Variants in CCDC60 observed in about 807,000 individuals in gnomAD.
The protein encoded by CCDC60 is coiled-coil domain containing 60.
A neutral mutation model predicts 63.5 loss-of-function variants in CCDC60; 54 were observed. The observed-to-expected ratio is 0.85, with a 90% CI of 0.68 to 1.07. The LOEUF is 1.07. Ranked by LOEUF, CCDC60 falls within the 50% of genes least tolerant of loss-of-function variation. CCDC60 has a pLI of 0.00. For missense variants in CCDC60, 651 were observed against 684.3 expected (o/e 0.95, Z 0.54); for synonymous variants, 206 against 238.8 (o/e 0.86, Z 1.27).
intron 1 of CCDC60, among the ~76,000 whole-genome samples, chr12:119,394,150 T>C (rs1045656978): frequency 6.6e-6 from 1 of 152,232 alleles, no homozygotes; most frequent in Non-Finnish European, 1.5e-5. Context: ...TTGTTACAAC[T>C]GTACCGCAAA....
At position 119,499,891 on chromosome 12, in the gene CCDC60, G is replaced by T. The variant is rs1473044276; in HGVS notation, c.558-187G>T. On this transcript the variant is annotated intron_variant, in intron 5 of 13. Transcript: ENST00000327554. ...GTAAGCAAAAGTCTCTCCAAACCTCGATTTCACTCAAAAGAGCCAGCTATG... is the reference window on the plus strand; with the variant it reads ...GTAAGCAAAAGTCTCTCCAAACCTCTATTTCACTCAAAAGAGCCAGCTATG... 2.0e-5 allele frequency among the ~76,000 whole-genome samples: 3 copies of T among 152,078 alleles called. 1 individual carries two copies. The highest frequency in any genetic ancestry group is 7.2e-5 in the African/African-American group (3 of 41,484).
At chr12:119,506,183 GCTTT>G (rs1381496861) in intron 7 of CCDC60, among the ~76,000 whole-genome samples, 2 of 152,004 alleles carry the variant, frequency 1.3e-5, no homozygotes, top group East Asian at 1.9e-4. Flanking sequence ...CCACAAACTT[GCTTT>G]CTGTCTCTAC....
chr12:119,537,235 C>G (rs1230164937), intron 13 of CCDC60, among the ~76,000 whole-genome samples: 1 of 152,184 alleles, frequency 6.6e-6, no homozygotes, highest in Admixed American at 6.5e-5. Flanking sequence ...TCACGTAGTT[C>G]TTGTGCCTTG....
intron 1 of CCDC60, among the ~76,000 whole-genome samples, chr12:119,336,043 A>G (rs1031211659): frequency 1.4e-5 from 2 of 137,948 alleles, no homozygotes; most frequent in African/African-American, 5.5e-5. Context: ...GAATTGAACA[A>G]TGAGATCACA....
Position 119,507,614 on chromosome 12 carries a change from A to ATATATTT in CCDC60, c.883+2312_883+2313insATATTTT, listed in dbSNP as rs1368858215. Among the ~76,000 whole-genome samples, 76 of 50,494 alleles carry ATATATTT rather than the reference A, an allele frequency of 1.5e-3. 6 individuals carry two copies. The highest frequency in any genetic ancestry group is 2.2e-3 in the Non-Finnish European group (65 of 30,144). 33.1% of individuals were successfully genotyped at this position (50,494 alleles called of 152,430 possible). A position where few individuals can be genotyped will look rare whatever the true frequency, so the allele number is the denominator to read the frequency against. On this transcript the variant is annotated intron_variant, in intron 7 of 13. Transcript: ENST00000327554. ...TACATATATATATATATATATATAT[A>ATATATTT]TTTTTTTTTTTTTTTTCTAGAAACA...
intron 5 of CCDC60, among the ~76,000 whole-genome samples, chr12:119,497,742 T>C (rs543270681): frequency 6.6e-5 from 7 of 105,368 alleles, no homozygotes; most frequent in African/African-American, 2.9e-4. Flanking sequence ...AAAGAAATGC[T>C]CCAAAGTGAA....
chr12:119,477,742 A>G (rs1951206524), intron 3 of CCDC60, among the ~76,000 whole-genome samples: 1 of 152,218 alleles, frequency 6.6e-6, no homozygotes, highest in South Asian at 2.1e-4. Context: ...TAACTGAAGA[A>G]GCACACACCT....
In CCDC60 at chr12:119,500,130, A is replaced by G; in HGVS notation, c.610A>G (p.Met204Val). The change falls in exon 6 of 14, where the codon ATG becomes GTG. Residue 204 changes from methionine (M) to valine (V), a missense_variant. Physicochemically the swap from Met to Val is conservative, Grantham distance 21 (BLOSUM62 1). Coordinates refer to ENST00000327554, the MANE Select transcript of CCDC60 (RefSeq NM_178499.5). ...TIKKINKDKSMGQKWEHFITA... is the reference protein window; with the variant it reads ...TIKKINKDKSVGQKWEHFITA... Reference sequence around the variant, plus strand: ...TAAAAAAATCAATAAGGACAAGTCCATGGGACAGAAATGGGAGCATTTCAT... The same window carrying G: ...TAAAAAAATCAATAAGGACAAGTCCGTGGGACAGAAATGGGAGCATTTCAT... 6.2e-7 allele frequency: 1 copy of G among 1,611,970 alleles called. No homozygotes were observed. The highest frequency in any genetic ancestry group is 1.1e-5 in the South Asian group (1 of 90,534).
chr12:119,475,236 T>C (rs1393866041), intron 3 of CCDC60, among the ~76,000 whole-genome samples: 1 of 152,224 alleles, frequency 6.6e-6, no homozygotes, highest in Admixed American at 6.5e-5. Flanking sequence ...TCAGGAGCTA[T>C]GCTCAGATTG....
chr12:119,455,066 T>C (rs1950699646), intron 2 of CCDC60, among the ~76,000 whole-genome samples: 1 of 152,256 alleles, frequency 6.6e-6, no homozygotes, highest in Non-Finnish European at 1.5e-5. Context: ...TTGTACCTCA[T>C]TGGCCTAGCC....
At position 119,480,944 on chromosome 12, in the gene CCDC60, CCAT is replaced by C. The variant is rs112221741; in HGVS notation, c.449+1749_449+1751del. Among the ~76,000 whole-genome samples the C allele has an allele frequency of 3.6e-3, 527 of 147,052 alleles. 6 individuals are homozygous for C. Among genetic ancestry groups the C allele is most frequent in the African/African-American group, 0.012 (495 of 39,736 alleles). On this transcript the variant is annotated intron_variant, in intron 4 of 13. Coordinates refer to ENST00000327554, the MANE Select transcript of CCDC60 (RefSeq NM_178499.5). ...ATCATCATCACCATCATCATCACCA[CCAT>C]CATCACCATCATCACCATCACCATC...
chr12:119,418,094 A>G (rs1956735621), intron 1 of CCDC60, among the ~76,000 whole-genome samples: 2 of 148,934 alleles, frequency 1.3e-5, no homozygotes, highest in Non-Finnish European at 3.0e-5. Flanking sequence ...TTAAATTCAC[A>G]ATGTTATCTT....
At chr12:119,337,417 C>T (rs1342068002) in intron 1 of CCDC60, among the ~76,000 whole-genome samples, 1 of 152,180 alleles carries the variant, frequency 6.6e-6, no homozygotes, top group Non-Finnish European at 1.5e-5. Flanking sequence ...GGGCAAGCTG[C>T]AGAGCTGCTC....
chr12:119,531,177 G>A, intron 13 of CCDC60, 114 bp downstream of exon 13: 1 of 877,334 alleles, frequency 1.1e-6, no homozygotes, highest in Middle Eastern at 3.6e-4. Context: ...CCTTTATGGA[G>A]CTCATATTCT....
chr12:119,495,184 C>A (rs914598486), intron 5 of CCDC60, among the ~76,000 whole-genome samples: 1 of 152,114 alleles, frequency 6.6e-6, no homozygotes, highest in African/African-American at 2.4e-5. Context: ...GATTCGAACC[C>A]AGGTAACCTT....
intron 1 of CCDC60, among the ~76,000 whole-genome samples, chr12:119,414,139 C>T (rs559767868): frequency 3.9e-5 from 6 of 152,212 alleles, no homozygotes; most frequent in African/African-American, 1.4e-4. Flanking sequence ...CTCCCTCAGC[C>T]TCCCAAGTAG....
At chr12:119,500,502 CCCTCCCTCCCTCGCTT>C (rs1437088694) in intron 6 of CCDC60, among the ~76,000 whole-genome samples, 1 of 151,230 alleles carries the variant, frequency 6.6e-6, no homozygotes, top group Non-Finnish European at 1.5e-5. Context: ...TTCTCCTTCT[CCCTCCCTCCCTCGCTT>C]CCTCCCTCAC....
chr12:119,414,928 C>T (rs867035094), intron 1 of CCDC60, among the ~76,000 whole-genome samples: 2 of 152,220 alleles, frequency 1.3e-5, no homozygotes, highest in African/African-American at 4.8e-5. Flanking sequence ...CCTTGAACAA[C>T]TTCATCTATT....
chr12:119,529,912 T>C (rs936761531), intron 12 of CCDC60, among the ~76,000 whole-genome samples: 1 of 152,178 alleles, frequency 6.6e-6, no homozygotes, highest in African/African-American at 2.4e-5. Context: ...ATGGGGGAAG[T>C]AATTGCCCTC....
Sources: gnomAD v4.1 joint callset for allele counts (sites outside exome capture counted in the v4.1 genomes callset) on GRCh38, gnomAD v4.1.1 for gene constraint, MANE v1.5 for transcripts, NCBI Gene and HGNC (gene_info 2026-07-23, HGNC 2026-07-21) for gene names.